The following NRG1 variants were observed in gnomAD, a reference collection of about 807,000 sequenced individuals.
NRG1 encodes pro-neuregulin-1, membrane-bound isoform.
A neutral mutation model predicts 63.8 loss-of-function variants in NRG1; 18 were observed. The observed-to-expected ratio is 0.28, with a 90% CI of 0.19 to 0.42. The LOEUF is 0.42. Among genes scored for constraint, NRG1 ranks in the 10% least tolerant of loss-of-function variants. NRG1 has a pLI of 1.00. For synonymous variants in NRG1, 302 were observed against 301.3 expected, an observed-to-expected ratio of 1.00 and a Z score of -0.02; for missense variants, 762 against 814.7, an observed-to-expected ratio of 0.94 and a Z score of 0.79.
intron 1 of NRG1, among the ~76,000 whole-genome samples, chr8:31,890,036 T>C (rs1046294775): frequency 3.9e-5 from 6 of 152,230 alleles, no homozygotes; most frequent in African/African-American, 1.4e-4. Context: ...AGATACTCTT[T>C]TGTTCTGGAG....
At chr8:32,132,909 A>G (rs541214421) in intron 1 of NRG1, among the ~76,000 whole-genome samples, 46 of 152,222 alleles carry the variant, frequency 3.0e-4, no homozygotes, top group African/African-American at 9.9e-4. Context: ...TCTGCGGTAT[A>G]TAAATGAGAA....
At chr8:32,033,091 A>ATTT (rs898802902) in intron 1 of NRG1, among the ~76,000 whole-genome samples, 1 of 111,602 alleles carries the variant, frequency 9.0e-6, no homozygotes, top group Non-Finnish European at 1.9e-5. Context: ...TGTGCAGTCT[A>ATTT]TTTTTTTTTT....
rs1203566340 is a variant in NRG1, at chr8:32,342,950, G to C, written c.38-252878G>C. 2.6e-5 allele frequency among the ~76,000 whole-genome samples: 4 copies of C among 152,096 alleles called. No homozygotes were observed. The East Asian group carries it at 7.7e-4, about 29-fold the overall frequency. On this transcript the variant is annotated intron_variant, in intron 1 of 10. Coordinates refer to the NRG1 transcript ENST00000519301. ...GTGATTAATGAAAACTAAATCATGG[G>C]GATGAGATCTTTAAGAAGAAGAAAA...
chr8:32,472,879 T>C (rs1230722295), intron 1 of NRG1, among the ~76,000 whole-genome samples: 2 of 152,258 alleles, frequency 1.3e-5, no homozygotes, highest in African/African-American at 4.8e-5. Flanking sequence ...AATATCTTTA[T>C]TTATGTAATA....
chr8:32,050,461 A>C (rs2130802671), intron 1 of NRG1, among the ~76,000 whole-genome samples: 1 of 152,260 alleles, frequency 6.6e-6, no homozygotes, highest in South Asian at 2.1e-4. Context: ...ATAGAAGGTA[A>C]GAATTGTGCT....
chr8:31,682,105 A>G lies in NRG1; in HGVS notation c.37+42674A>G, dbSNP rs188365037. 3.9e-5 allele frequency among the ~76,000 whole-genome samples: 6 copies of G among 152,208 alleles called. No individual in the cohort carries two copies. The East Asian group carries it at 9.6e-4, about 24-fold the overall frequency. ...CCTAAAGAGCCTATGTGCTCTGCCT[A>G]TTCATCCCTCTCTTCCCACTAAAAC... is the stretch of plus-strand genomic sequence containing the variant. On this transcript the variant is annotated intron_variant, in intron 1 of 10. Coordinates refer to the NRG1 transcript ENST00000519301.
chr8:32,188,576 C>A (rs1842187192), intron 1 of NRG1, among the ~76,000 whole-genome samples: 1 of 151,924 alleles, frequency 6.6e-6, no homozygotes. Context: ...CCATGTGGAC[C>A]CAATGTATTC....
rs1842439916 is a variant in NRG1, at chr8:32,191,002, G to A, written c.38-404826G>A. On this transcript the variant is annotated intron_variant, in intron 1 of 10. Transcript: ENST00000519301. ...GACAAACATCCATTTGCTCCAGTTG[G>A]AGACAATACTTCTGTCTTCCCATAG... 1.3e-5 allele frequency among the ~76,000 whole-genome samples: 2 copies of A among 152,130 alleles called. 1 individual carries two copies. Among genetic ancestry groups the A allele is most frequent in the South Asian group, 4.1e-4 (2 of 4,820 alleles).
intron 1 of NRG1, among the ~76,000 whole-genome samples, chr8:32,398,618 T>C (rs962019729): frequency 6.6e-6 from 1 of 151,678 alleles, no homozygotes; most frequent in Non-Finnish European, 1.5e-5. Flanking sequence ...GCCATGTTGG[T>C]CAGGCTGGTC....
intron 1 of NRG1, among the ~76,000 whole-genome samples, chr8:31,856,327 T>C (rs1456593921): frequency 2.0e-5 from 3 of 152,164 alleles, no homozygotes; most frequent in Non-Finnish European, 2.9e-5. Flanking sequence ...TATTCTTTTT[T>C]CTCTAAACTT....
chr8:31,968,445 CTTTA>C (rs1806733789), intron 1 of NRG1, among the ~76,000 whole-genome samples: 1 of 152,142 alleles, frequency 6.6e-6, no homozygotes. Context: ...TTACATATCA[CTTTA>C]TTTGTGTTTG....
chr8:31,804,370 C>A (rs1478360502), intron 1 of NRG1, among the ~76,000 whole-genome samples: 2 of 152,116 alleles, frequency 1.3e-5, no homozygotes, highest in African/African-American at 4.8e-5. Context: ...TTGTTACTCT[C>A]AGTCATGCTG....
At chr8:32,763,365 G>A (rs751248065) in intron 11 of NRG1, 1 of 1,613,018 alleles carries the variant, frequency 6.2e-7, no homozygotes, top group Non-Finnish European at 8.5e-7. Context: ...GGAAGGTATA[G>A]TATTTAAGTA....
At chr8:31,957,911 A>G (rs13251778) in intron 1 of NRG1, among the ~76,000 whole-genome samples, 17,045 of 152,232 alleles carry the variant, frequency 0.11, 1,333 homozygotes, top group Non-Finnish European at 0.15. Context: ...TGTTGAGTTG[A>G]CTACCTACCT....
At position 32,585,303 on chromosome 8, in the gene NRG1, C is replaced by T. The variant is rs528936991; in HGVS notation, c.101-10525C>T. 3.3e-5 allele frequency among the ~76,000 whole-genome samples: 5 copies of T among 152,228 alleles called. No homozygotes were observed. In the East Asian group the frequency reaches 9.6e-4, roughly 29 times the overall value. On this transcript the variant is annotated intron_variant, in intron 1 of 11. Coordinates refer to ENST00000356819, the Ensembl canonical transcript of NRG1. ...CAATTAGGTAAAACTGTACTGGATC[C>T]ATTTTAACCCTGTGAGTTGATTGCT...
intron 1 of NRG1, among the ~76,000 whole-genome samples, chr8:31,770,651 A>C (rs1370640836): frequency 1.3e-5 from 2 of 151,788 alleles, no homozygotes; most frequent in Non-Finnish European, 2.9e-5. Context: ...TAGCATTAGG[A>C]GATATACCTA....
intron 1 of NRG1, among the ~76,000 whole-genome samples, chr8:32,213,954 G>A (rs1359413834): frequency 2.0e-5 from 3 of 152,130 alleles, no homozygotes; most frequent in East Asian, 1.9e-4. Flanking sequence ...ACAAAGGAAC[G>A]AACTTTGAGT....
chr8:32,488,509 C>T (rs1267055691), intron 1 of NRG1, among the ~76,000 whole-genome samples: 1 of 152,156 alleles, frequency 6.6e-6, no homozygotes, highest in Non-Finnish European at 1.5e-5. Context: ...GGCACAGTGG[C>T]TCACATCTGT....
At chr8:31,995,038 C>CTTTTGT (rs1316899437) in intron 1 of NRG1, among the ~76,000 whole-genome samples, 1 of 151,850 alleles carries the variant, frequency 6.6e-6, no homozygotes, top group Non-Finnish European at 1.5e-5. Context: ...CTAATAACAT[C>CTTTTGT]TTTTGTTTTT....
Sources: allele counts gnomAD v4.1 joint callset (sites outside exome capture counted in the v4.1 genomes callset), GRCh38; gene constraint gnomAD v4.1.1; transcripts MANE v1.5; gene names NCBI Gene and HGNC (gene_info 2026-07-23, HGNC 2026-07-21).